MYH11: variants seen among roughly 807,000 people sequenced by gnomAD.
MYH11 encodes myosin heavy chain 11, also known as myosin-11.
MYH11 carries 80 observed loss-of-function variants against 246.6 expected under a neutral mutation model. That is an observed-to-expected ratio of 0.32 (90% CI 0.27 to 0.39). The LOEUF (loss-of-function observed/expected upper bound fraction) is 0.39. Among genes scored for constraint, MYH11 ranks in the 10% least tolerant of loss-of-function variants. The pLI is 1.00. For missense variants in MYH11, 2,158 were observed against 2,546.8 expected (o/e 0.85, Z 3.29); for synonymous variants, 1,071 against 1,015.5 (o/e 1.05, Z -1.04).
chr16:15,749,936 C>T (rs1259459100), intron 16 of MYH11: 2 of 653,086 alleles, frequency 3.1e-6, no homozygotes, highest in Non-Finnish European at 5.2e-6. Flanking sequence ...AGCAACTCCA[C>T]AACTGAAAAG....
chr16:15,752,048 T>G (rs575882322), intron 15 of MYH11, among the ~76,000 whole-genome samples: 1 of 152,116 alleles, frequency 6.6e-6, no homozygotes, highest in Non-Finnish European at 1.5e-5. Flanking sequence ...TGCCTCAGCC[T>G]CCCAAAGTGC....
intron 3 of MYH11, among the ~76,000 whole-genome samples, chr16:15,809,882 A>T (rs2043099454): frequency 6.6e-6 from 1 of 151,826 alleles, no homozygotes; most frequent in Admixed American, 6.6e-5. Flanking sequence ...AGATCACACC[A>T]CTACACTCCA....
intron 9 of MYH11, among the ~76,000 whole-genome samples, chr16:15,768,968 T>C (rs939214910): frequency 5.3e-5 from 8 of 150,686 alleles, no homozygotes; most frequent in Non-Finnish European, 1.2e-4. Context: ...CTGGATAACA[T>C]GGTGAAGCCT....
chr16:15,741,109 A>T, intron 22 of MYH11: 1 of 401,752 alleles, frequency 2.5e-6, no homozygotes, highest in Non-Finnish European at 4.7e-6. Flanking sequence ...AGAACCACTC[A>T]CCTAAGCCAC....
intron 2 of MYH11, among the ~76,000 whole-genome samples, chr16:15,830,978 C>A (rs1031770162): frequency 2.0e-5 from 3 of 152,140 alleles, no homozygotes; most frequent in African/African-American, 7.2e-5. Context: ...TCGAGACCAG[C>A]CTGGCCAACA....
chr16:15,750,357 C>A lies in MYH11; in HGVS notation c.1865-26G>T, dbSNP rs756654732. The A allele has an allele frequency of 3.2e-6, 5 of 1,565,304 alleles. No homozygotes were observed. Among genetic ancestry groups the A allele is most frequent in the Non-Finnish European group, 3.5e-6 (4 of 1,158,180 alleles). On this transcript the variant is annotated intron_variant, in intron 15 of 40. Coordinates refer to ENST00000300036, the MANE Select transcript of MYH11 (RefSeq NM_002474.3). The surrounding 1 kb of genome is among the most constrained non-coding windows in gnomAD (Gnocchi z 4.3). ...CTATGGGGCACAGCCAGGGTGGCAT[C>A]AGCCTCTGGCCCACCCACCCCTAAA...
chr16:15,756,470 C>T lies in MYH11; in HGVS notation c.1620G>A (p.Trp540Ter). The part of the protein sequence containing the change: ...GVLALLDEEC[W>*]FPKATDKSFV... ...AAGACTTGTCCGTGGCTTTGGGGAA[C>T]CAGCATTCCTCGTCCAGCAGGGCCA... The change falls in exon 14 of 41, where the codon TGG becomes TGA. Residue 540 changes from tryptophan to a stop codon, truncating the protein, a stop_gained. Transcript: ENST00000300036. LOFTEE classifies it high-confidence loss of function. 1 of 1,614,172 alleles carries T rather than the reference C, an allele frequency of 6.2e-7. No homozygotes were observed. The highest frequency in any genetic ancestry group is 8.5e-7 in the Non-Finnish European group (1 of 1,180,042).
At chr16:15,736,354 CT>C (rs2041117655) in intron 25 of MYH11, among the ~76,000 whole-genome samples, 1 of 152,182 alleles carries the variant, frequency 6.6e-6, no homozygotes, top group Non-Finnish European at 1.5e-5. Context: ...TCATAGCTCA[CT>C]TTAGCCTCAA....
chr16:15,741,400 C>G, intron 22 of MYH11, 63 bp downstream of exon 22: 1 of 1,556,780 alleles, frequency 6.4e-7, no homozygotes, highest in Non-Finnish European at 8.8e-7. Flanking sequence ...TGCACCTCCA[C>G]AGGCCTGTGG....
At chr16:15,853,709 T>A (rs1057185976) in intron 1 of MYH11, among the ~76,000 whole-genome samples, 1 of 152,122 alleles carries the variant, frequency 6.6e-6, no homozygotes, top group African/African-American at 2.4e-5. Context: ...AAAAAGGCCA[T>A]CCCTTAAAGT....
chr16:15,779,117 C>A (rs2042290311), intron 6 of MYH11: 2 of 562,724 alleles, frequency 3.6e-6, no homozygotes, highest in East Asian at 6.2e-5. Flanking sequence ...TCATGGCTAT[C>A]CCTATTTAAA....
At chr16:15,739,547 T>C (rs1596759914) in intron 23 of MYH11, among the ~76,000 whole-genome samples, 1 of 152,198 alleles carries the variant, frequency 6.6e-6, no homozygotes, top group Admixed American at 6.5e-5. Context: ...ACACAGAGCC[T>C]GGCTCACAGT....
intron 35 of MYH11, 63 bp from the exon 36 acceptor site, chr16:15,719,371 C>T: frequency 6.4e-7 from 1 of 1,563,652 alleles, no homozygotes. Flanking sequence ...CAAGAGTCCA[C>T]CCTGACAACT....
intron 3 of MYH11, among the ~76,000 whole-genome samples, chr16:15,820,513 A>G (rs2043382898): frequency 6.6e-6 from 1 of 151,992 alleles, no homozygotes; most frequent in African/African-American, 2.4e-5. Flanking sequence ...AAGACAAAAG[A>G]AAGAAAAAGA....
At chr16:15,715,864 G>C (rs967539102) in intron 38 of MYH11, among the ~76,000 whole-genome samples, 2 of 152,140 alleles carry the variant, frequency 1.3e-5, no homozygotes, top group East Asian at 3.9e-4. Context: ...GGTGGCTCAT[G>C]CCTGTAATCC....
At chr16:15,713,106 G>A (rs1288181417) in intron 40 of MYH11, 1 of 151,908 alleles carries the variant, frequency 6.6e-6, no homozygotes, top group Non-Finnish European at 1.5e-5. Flanking sequence ...GGGGCTAAGA[G>A]GTTATTCCAT....
chr16:15,826,077 G>A (rs1005771883), intron 2 of MYH11, among the ~76,000 whole-genome samples: 4 of 152,162 alleles, frequency 2.6e-5, no homozygotes, highest in South Asian at 2.1e-4. Context: ...CCCCAGGTAT[G>A]AGCATGGTCC....
In MYH11 at chr16:15,726,784, C is replaced by T. The variant is rs1444214220; in HGVS notation, c.3858+64G>A. 39 of 1,589,980 alleles carry T rather than the reference C, an allele frequency of 2.5e-5. No individual in the cohort carries two copies. In the Admixed American group the frequency reaches 6.4e-4, roughly 26 times the overall value. ...GAGACCTCAGCGAGCCGGGAAGAGG[C>T]TCCTCCCCACAGAACTGGGCACCAC... On this transcript the variant is annotated intron_variant, in intron 28 of 40. Coordinates refer to ENST00000300036, the MANE Select transcript of MYH11 (RefSeq NM_002474.3).
Position 15,763,862 on chromosome 16 carries a change from G to T in MYH11, c.1063C>A (p.Gln355Lys), listed in dbSNP as rs766555066. ...SILKVVSSVL[Q>K]LGNIVFKKER... ...TTCTTGAAGACGATATTTCCAAGCTGCAGGACCGATGATACCACCTTCAAT... is the reference window on the plus strand; with the variant it reads ...TTCTTGAAGACGATATTTCCAAGCTTCAGGACCGATGATACCACCTTCAAT... Residue 355 changes from glutamine (Q) to lysine (K), a missense_variant, in exon 10 of 41, where the codon CAG (glutamine) becomes AAG (lysine). Physicochemically the swap from Gln to Lys is moderately conservative, Grantham distance 53. This residue lies in a region of MYH11 where 75 missense variants were observed against 70.0 expected (regional missense o/e 1.07). Coordinates refer to ENST00000300036, the MANE Select transcript of MYH11 (RefSeq NM_002474.3). The T allele has an allele frequency of 3.1e-6, 5 of 1,608,690 alleles. No individual in the cohort carries two copies. Among genetic ancestry groups the T allele is most frequent in the Admixed American group, 3.4e-5 (2 of 59,232 alleles).
Sources: gnomAD v4.1 joint callset for allele counts (sites outside exome capture counted in the v4.1 genomes callset) on GRCh38, gnomAD v4.1.1 for gene constraint, gnomAD v4.1.1 regional missense constraint, Gnocchi (gnomAD v3.1) non-coding constraint, MANE v1.5 for transcripts, NCBI Gene and HGNC (gene_info 2026-07-23, HGNC 2026-07-21) for gene names.